The following TBC1D12 variants were observed in gnomAD, a reference collection of about 807,000 sequenced individuals.
TBC1D12 encodes TBC1 domain family member 12.
In TBC1D12, 56 loss-of-function variants were observed where a neutral mutation model predicts 86.7. That is an observed-to-expected ratio of 0.65 (90% CI 0.52 to 0.81). The LOEUF is 0.81. Ranked by LOEUF, TBC1D12 falls within the 30% of genes least tolerant of loss-of-function variation. The probability of loss-of-function intolerance (pLI) is 0.00; values close to 1 mark genes in which losing one functional copy is unlikely to be tolerated. For synonymous variants in TBC1D12, 421 were observed against 411.7 expected, an observed-to-expected ratio of 1.02 and a Z score of -0.27; for missense variants, 1,023 against 1,038.8, an observed-to-expected ratio of 0.98 and a Z score of 0.21.
chr10:94,476,391 CT>C (rs1010608808), intron 3 of TBC1D12, among the ~76,000 whole-genome samples: 24 of 152,148 alleles, frequency 1.6e-4, no homozygotes, highest in African/African-American at 5.5e-4. Context: ...TTATAATTGT[CT>C]TTTCATTGTT....
intron 12 of TBC1D12, among the ~76,000 whole-genome samples, chr10:94,532,647 T>C (rs1306377276): frequency 6.6e-6 from 1 of 152,230 alleles, no homozygotes; most frequent in Non-Finnish European, 1.5e-5. Context: ...ATATAATGTA[T>C]GGTCCTGGCT....
chr10:94,482,841 C>T (rs1264824850), intron 3 of TBC1D12, among the ~76,000 whole-genome samples: 1 of 152,088 alleles, frequency 6.6e-6, no homozygotes, highest in Non-Finnish European at 1.5e-5. Context: ...CATGTTTCTA[C>T]TCTCTATCTC....
At chr10:94,493,251 T>C in intron 3 of TBC1D12, 114 bp from the exon 4 acceptor site, 1 of 762,110 alleles carries the variant, frequency 1.3e-6, no homozygotes, top group Non-Finnish European at 2.2e-6. Context: ...CCTTAATGTA[T>C]GAAATGAGGT....
In TBC1D12 at chr10:94,474,728, A is replaced by T; in HGVS notation, c.1156A>T (p.Asn386Tyr). 6.2e-7 allele frequency: 1 copy of T among 1,614,122 alleles called. No homozygotes were observed. Among genetic ancestry groups the T allele is most frequent in the South Asian group, 1.1e-5 (1 of 91,082 alleles). ...KPPPQSSRRK[N>Y]FEFEPLSTTA... ...ACCACCTCAGTCTTCAAGACGCAAG[A>T]ATTTTGAATTTGAGCCGCTTTCTAC... Residue 386 changes from asparagine (N) to tyrosine (Y), a missense_variant, in exon 3 of 13, where the codon AAT (asparagine) becomes TAT (tyrosine). Physicochemically the swap from Asn to Tyr is moderately radical, Grantham distance 143. Around this residue, in one of 2 missense-constraint regions of TBC1D12, gnomAD observed 395 missense variants for 507.7 expected, o/e 0.78. Transcript: ENST00000225235.
At chr10:94,428,558 C>T (rs1252157217) in intron 1 of TBC1D12, among the ~76,000 whole-genome samples, 1 of 152,120 alleles carries the variant, frequency 6.6e-6, no homozygotes, top group Non-Finnish European at 1.5e-5. Flanking sequence ...TCCCAAAGTG[C>T]TGGAATTACA....
intron 3 of TBC1D12, among the ~76,000 whole-genome samples, chr10:94,490,824 A>C (rs557791202): frequency 4.7e-5 from 7 of 149,450 alleles, no homozygotes; most frequent in Non-Finnish European, 1.0e-4. Context: ...AGGCCTTTCC[A>C]CTCTGGCTGG....
At chr10:94,480,126 C>T (rs941445694) in intron 3 of TBC1D12, among the ~76,000 whole-genome samples, 1 of 152,130 alleles carries the variant, frequency 6.6e-6, no homozygotes, top group Admixed American at 6.5e-5. Context: ...AGATCAGAGC[C>T]GATATCCAGT....
At chr10:94,503,813 TG>T (rs909436946) in intron 6 of TBC1D12, among the ~76,000 whole-genome samples, 32 of 152,016 alleles carry the variant, frequency 2.1e-4, no homozygotes, top group African/African-American at 7.0e-4. Flanking sequence ...TTAGTAGAGA[TG>T]GGGTTTTGCC....
Position 94,402,791 on chromosome 10 carries a change from G to A in TBC1D12, c.178G>A (p.Glu60Lys), listed in dbSNP as rs560424908. ...GGCTGACGAGGAGGAGGAGGCTGACGAGGAGGAGGAGACGCCGCCTCGGCA... is the reference window on the plus strand; with the variant it reads ...GGCTGACGAGGAGGAGGAGGCTGACAAGGAGGAGGAGACGCCGCCTCGGCA... Reference protein sequence around the residue: ...EEADEEEEADEEEETPPRQLL... With the variant: ...EEADEEEEADKEEETPPRQLL... Residue 60 changes from glutamate to lysine, a missense_variant, in exon 1 of 13, where the codon GAG becomes AAG. This residue lies in a region of TBC1D12 where 628 missense variants were observed against 531.1 expected (regional missense o/e 1.18). Coordinates refer to ENST00000225235, the MANE Select transcript of TBC1D12 (RefSeq NM_015188.2). The A allele has an allele frequency of 6.5e-6, 10 of 1,539,212 alleles. No individual in the cohort carries two copies. In the East Asian group the frequency reaches 1.5e-4, roughly 23 times the overall value.
intron 9 of TBC1D12, among the ~76,000 whole-genome samples, chr10:94,518,957 C>T (rs548944636): frequency 8.5e-5 from 13 of 152,236 alleles, no homozygotes; most frequent in Admixed American, 5.9e-4. Flanking sequence ...CACCTCTATT[C>T]CCAGCTGTTC....
intron 1 of TBC1D12, among the ~76,000 whole-genome samples, chr10:94,433,740 C>G (rs1441223196): frequency 1.3e-5 from 2 of 152,150 alleles, no homozygotes; most frequent in Non-Finnish European, 2.9e-5. Flanking sequence ...TGTCTGTTTT[C>G]TCAGCCAGGT....
intron 5 of TBC1D12, among the ~76,000 whole-genome samples, chr10:94,499,848 T>G (rs1326795133): frequency 1.3e-5 from 2 of 152,238 alleles, no homozygotes; most frequent in Non-Finnish European, 2.9e-5. Context: ...CTTTACTGCT[T>G]CTCAAAAACT....
At chr10:94,407,675 CAAA>C (rs35188808) in intron 1 of TBC1D12, among the ~76,000 whole-genome samples, 1 of 138,414 alleles carries the variant, frequency 7.2e-6, no homozygotes, top group South Asian at 2.3e-4. Context: ...GATTCCGTCT[CAAA>C]AAAAAAAAAA....
intron 1 of TBC1D12, among the ~76,000 whole-genome samples, chr10:94,416,096 CAT>C (rs1834522904): frequency 6.6e-6 from 1 of 151,990 alleles, no homozygotes; most frequent in Non-Finnish European, 1.5e-5. Flanking sequence ...TTAATAGAAA[CAT>C]AACACTATGT....
At chr10:94,437,785 C>G (rs1475576464) in intron 1 of TBC1D12, among the ~76,000 whole-genome samples, 3 of 151,864 alleles carry the variant, frequency 2.0e-5, no homozygotes, top group African/African-American at 7.3e-5. Flanking sequence ...CCAGCTCTTT[C>G]TTCTGCCTGC....
At chr10:94,529,668 A>G (rs1222927857) in intron 11 of TBC1D12, among the ~76,000 whole-genome samples, 1 of 152,186 alleles carries the variant, frequency 6.6e-6, no homozygotes, top group Non-Finnish European at 1.5e-5. Context: ...CAAGAGCATT[A>G]GAGTTACTCA....
intron 2 of TBC1D12, among the ~76,000 whole-genome samples, chr10:94,459,587 CA>C (rs888448900): frequency 1.2e-4 from 18 of 152,326 alleles, no homozygotes; most frequent in East Asian, 1.9e-4. Context: ...AGGAGCCCAC[CA>C]GGGGGGTTGG....
intron 3 of TBC1D12, among the ~76,000 whole-genome samples, chr10:94,476,237 A>T (rs1338084812): frequency 6.6e-6 from 1 of 152,124 alleles, no homozygotes; most frequent in African/African-American, 2.4e-5. Flanking sequence ...GGAGCCAAAT[A>T]GAAGAGCATA....
At chr10:94,460,570 GTT>G (rs879520030) in intron 2 of TBC1D12, among the ~76,000 whole-genome samples, 2 of 140,446 alleles carry the variant, frequency 1.4e-5, no homozygotes, top group Non-Finnish European at 3.1e-5. Context: ...GCTAGAAGTA[GTT>G]TTTTTTTTTT....
Sources: gnomAD v4.1 joint callset for allele counts (sites outside exome capture counted in the v4.1 genomes callset) on GRCh38, gnomAD v4.1.1 for gene constraint, gnomAD v4.1.1 regional missense constraint, MANE v1.5 for transcripts, NCBI Gene and HGNC (gene_info 2026-07-23, HGNC 2026-07-21) for gene names.